MECOM: variants seen among roughly 807,000 people sequenced by gnomAD.
MECOM encodes the protein MDS1 and EVI1 complex locus.
Under a neutral mutation model 116.3 loss-of-function variants are expected in MECOM, and 13 were observed. That is an observed-to-expected ratio of 0.11 (90% CI 0.07 to 0.18). The LOEUF (loss-of-function observed/expected upper bound fraction) is 0.18. Among genes scored for constraint, MECOM ranks in the 10% least tolerant of loss-of-function variants. The pLI, the probability that MECOM is intolerant of heterozygous loss-of-function variation, is 1.00. For missense variants in MECOM, 1,299 were observed against 1,509.0 expected (o/e 0.86, Z 2.31); for synonymous variants, 528 against 535.2 (o/e 0.99, Z 0.19).
chr3:169,145,018 A>G (rs1199065759), intron 2 of MECOM: 7 of 1,558,662 alleles, frequency 4.5e-6, no homozygotes, highest in South Asian at 1.2e-5. Context: ...AGAAAAACCC[A>G]GTGCTCCAAG....
intron 1 of MECOM, among the ~76,000 whole-genome samples, 191 bp downstream of exon 1, chr3:169,663,145 C>T (rs1199900066): frequency 4.6e-5 from 7 of 151,518 alleles, no homozygotes; most frequent in African/African-American, 1.7e-4. Context: ...GCGCCCAACC[C>T]GGGAGCGAGA....
intron 2 of MECOM, among the ~76,000 whole-genome samples, chr3:169,359,154 A>C (rs1012139371): frequency 2.0e-5 from 3 of 151,770 alleles, no homozygotes; most frequent in Non-Finnish European, 4.4e-5. Flanking sequence ...GATTATAGTA[A>C]CTTCATCCTA....
intron 2 of MECOM, among the ~76,000 whole-genome samples, chr3:169,175,723 T>A (rs775911224): frequency 6.6e-5 from 10 of 152,190 alleles, no homozygotes; most frequent in Non-Finnish European, 1.3e-4. Context: ...CGTCGCACAA[T>A]GTTTGTATAA....
At chr3:169,563,341 C>T (rs891399193) in intron 1 of MECOM, among the ~76,000 whole-genome samples, 1 of 152,212 alleles carries the variant, frequency 6.6e-6, no homozygotes, top group Non-Finnish European at 1.5e-5. Flanking sequence ...CTGTAACTGG[C>T]CTGCGCCATC....
At chr3:169,309,016 A>G (rs1718249126) in intron 2 of MECOM, among the ~76,000 whole-genome samples, 1 of 152,222 alleles carries the variant, frequency 6.6e-6, no homozygotes, top group South Asian at 2.1e-4. Context: ...ACAGGTGACT[A>G]TCCATCATAT....
intron 1 of MECOM, among the ~76,000 whole-genome samples, chr3:169,456,336 C>T (rs1016960169): frequency 2.0e-5 from 3 of 152,128 alleles, no homozygotes; most frequent in African/African-American, 4.8e-5. Flanking sequence ...ATCATTGTCA[C>T]GAAATTCATT....
In MECOM at chr3:169,472,629, AAAG is replaced by A. The variant is rs201450187; in HGVS notation, c.38-91108_38-91106del. Among the ~76,000 whole-genome samples the A allele has an allele frequency of 2.8e-3, 232 of 81,736 alleles. 26 individuals carry two copies. The East Asian group carries it at 0.064, about 23-fold the overall frequency. The allele number at this position is 81,736 out of a possible 152,430, so 53.6% of individuals were successfully genotyped here. A position where few individuals can be genotyped will look rare whatever the true frequency, so the allele number is the denominator to read the frequency against. On this transcript the variant is annotated intron_variant, in intron 1 of 16. Transcript: ENST00000651503. Reference sequence around the variant, plus strand: ...AAAGGAAAGGAAAGAAAAGAAAAGAAAAGAAAAGGAAAGGAAAGGAAAAGAAAA... The same window carrying A: ...AAAGGAAAGGAAAGAAAAGAAAAGAAAAAAGGAAAGGAAAGGAAAAGAAAA...
intron 2 of MECOM, among the ~76,000 whole-genome samples, chr3:169,237,770 T>C (rs1448876710): frequency 1.3e-5 from 2 of 152,170 alleles, no homozygotes; most frequent in Non-Finnish European, 2.9e-5. Context: ...TTTAAAGTTA[T>C]ATAGTTCACC....
intron 1 of MECOM, among the ~76,000 whole-genome samples, chr3:169,549,127 C>T (rs1014752324): frequency 6.6e-6 from 1 of 152,098 alleles, no homozygotes; most frequent in Non-Finnish European, 1.5e-5. Flanking sequence ...GCGCATGCCA[C>T]CACACCCAGC....
chr3:169,384,614 T>C (rs540394921), intron 1 of MECOM, among the ~76,000 whole-genome samples: 2 of 152,324 alleles, frequency 1.3e-5, no homozygotes, highest in East Asian at 3.9e-4. Flanking sequence ...AATTCTGTTT[T>C]TCTTGAGAAA....
chr3:169,587,611 C>T (rs1276280842), intron 1 of MECOM, among the ~76,000 whole-genome samples: 3 of 151,990 alleles, frequency 2.0e-5, no homozygotes, highest in African/African-American at 7.2e-5. Flanking sequence ...TAATTTTTTA[C>T]GTTTTAATAT....
intron 1 of MECOM, among the ~76,000 whole-genome samples, chr3:169,524,387 A>G (rs530974190): frequency 5.3e-5 from 8 of 152,234 alleles, no homozygotes; most frequent in African/African-American, 1.9e-4. Context: ...ACTACACTAA[A>G]CAAACTTAAA....
chr3:169,649,796 A>G (rs1774656383), intron 1 of MECOM, among the ~76,000 whole-genome samples: 1 of 152,266 alleles, frequency 6.6e-6, no homozygotes, highest in Admixed American at 6.5e-5. Flanking sequence ...TTAAAATTGC[A>G]AAGTAAATTA....
chr3:169,167,510 G>A (rs989589324), intron 2 of MECOM, among the ~76,000 whole-genome samples: 5 of 151,710 alleles, frequency 3.3e-5, no homozygotes, highest in Non-Finnish European at 7.4e-5. Flanking sequence ...TCTACCATGC[G>A]GTTCTACACA....
chr3:169,117,885 C>T (rs1037412221), intron 7 of MECOM, among the ~76,000 whole-genome samples: 1 of 146,954 alleles, frequency 6.8e-6, no homozygotes, highest in Non-Finnish European at 1.5e-5. Context: ...TTTTATTTTA[C>T]TTTACGGGAT....
At chr3:169,321,674 A>T (rs959868861) in intron 2 of MECOM, among the ~76,000 whole-genome samples, 3 of 151,216 alleles carry the variant, frequency 2.0e-5, no homozygotes, top group African/African-American at 7.4e-5. Flanking sequence ...ATGTGGACCT[A>T]TGTGGTTTTG....
chr3:169,663,461 CCCTCTCTCTCCTG>C lies in MECOM; in HGVS notation c.-102_-90del. On this transcript the variant is annotated 5_prime_UTR_variant, in exon 1 of 17. Coordinates refer to ENST00000651503, the MANE Select transcript of MECOM (RefSeq NM_004991.4). ...TCTTTTGCTCTCCCTCTCGCTCCCT[CCCTCTCTCTCCTG>C]TCTCTCTCTCTCTCTCTCTCTCTCT... The C allele has an allele frequency of 7.7e-7, 1 of 1,291,426 alleles. No homozygotes were observed. The highest frequency in any genetic ancestry group is 1.1e-6 in the Non-Finnish European group (1 of 913,496). 80.0% of individuals were successfully genotyped at this position (1,291,426 alleles called of 1,614,324 possible). A position where few individuals can be genotyped will look rare whatever the true frequency, so the allele number is the denominator to read the frequency against.
chr3:169,509,528 T>G (rs1755702519), intron 1 of MECOM, among the ~76,000 whole-genome samples: 1 of 152,156 alleles, frequency 6.6e-6, no homozygotes, highest in Admixed American at 6.5e-5. Flanking sequence ...CATTTCCTCC[T>G]GCCCCTGGTA....
At chr3:169,652,978 A>G (rs1405503057) in intron 1 of MECOM, among the ~76,000 whole-genome samples, 2 of 152,200 alleles carry the variant, frequency 1.3e-5, no homozygotes, top group Admixed American at 1.3e-4. Context: ...CTCCAGAATC[A>G]GGTCTAGTAC....
Sources: allele counts gnomAD v4.1 joint callset (sites outside exome capture counted in the v4.1 genomes callset), GRCh38; gene constraint gnomAD v4.1.1; transcripts MANE v1.5; gene names NCBI Gene and HGNC (gene_info 2026-07-23, HGNC 2026-07-21).